APBA1: variants seen among roughly 807,000 people sequenced by gnomAD.
The protein encoded by APBA1 is amyloid beta precursor protein binding family A member 1.
In APBA1, 55 loss-of-function variants were observed where a neutral mutation model predicts 86.6. The ratio of observed to expected loss-of-function variants is 0.64; its 90% CI spans 0.51 to 0.80. The LOEUF (loss-of-function observed/expected upper bound fraction) is 0.80. APBA1 is among the 30% of genes least tolerant of loss of function. APBA1 has a pLI of 0.00. For synonymous variants in APBA1, 511 were observed against 493.9 expected (o/e 1.03, Z -0.46); for missense variants, 1,090 against 1,183.0 (o/e 0.92, Z 1.15).
At chr9:69,564,206 G>T (rs569530610) in intron 1 of APBA1, among the ~76,000 whole-genome samples, 159 of 152,330 alleles carry the variant, frequency 1.0e-3, no homozygotes, top group African/African-American at 3.7e-3. Flanking sequence ...AGCCCTGGAA[G>T]AGCAGGGGCA....
rs1411537676 is a variant in APBA1 at position 69,516,741 on chromosome 9, T to C, written c.470A>G (p.His157Arg). 1 of 1,612,118 alleles carries C rather than the reference T, an allele frequency of 6.2e-7. No individual in the cohort carries two copies. The highest frequency in any genetic ancestry group is 1.7e-5 in the Admixed American group (1 of 59,950). ...GTAGGCCGCATTCATGGCTTCCTCG[T>C]GCTCCAGCGAGTGGAAGTGCAGGTG... ...PNHLHFHSLE[H>R]EEAMNAAYSG... Residue 157 changes from histidine (H) to arginine (R), a missense_variant, in exon 2 of 13, where the codon CAC becomes CGC. Physicochemically the swap from His to Arg is conservative, Grantham distance 29. Around this residue, in one of 6 missense-constraint regions of APBA1, gnomAD observed 678 missense variants for 647.1 expected, o/e 1.05. Transcript: ENST00000265381. The surrounding 1 kb of genome is among the most constrained non-coding windows in gnomAD (Gnocchi z 7.3).
chr9:69,525,710 T>C (rs1175067903), intron 1 of APBA1, among the ~76,000 whole-genome samples: 1 of 152,106 alleles, frequency 6.6e-6, no homozygotes, highest in Non-Finnish European at 1.5e-5. Flanking sequence ...TTCACAGAAC[T>C]AGAGAAAACT....
chr9:69,515,690 T>TGGGGGGGGGGGGGGGGGGGGGGGG (rs60382603), intron 2 of APBA1, among the ~76,000 whole-genome samples: 1 of 110,754 alleles, frequency 9.0e-6, no homozygotes, highest in Admixed American at 9.0e-5. Context: ...AATCAGAAAC[T>TGGGGGGGGGGGGGGGGGGGGGGGG]GGGGGGGGGG....
intron 2 of APBA1, among the ~76,000 whole-genome samples, chr9:69,486,409 C>T (rs1835610836): frequency 6.6e-6 from 1 of 152,142 alleles, no homozygotes; most frequent in Non-Finnish European, 1.5e-5. Context: ...CTTCGACAGA[C>T]ATCTCAGTGC....
chr9:69,555,151 T>C (rs1303525819), intron 1 of APBA1, among the ~76,000 whole-genome samples: 1 of 152,228 alleles, frequency 6.6e-6, no homozygotes, highest in Non-Finnish European at 1.5e-5. Context: ...TAGTAGATTA[T>C]TTAACCACAG....
At chr9:69,449,108 G>C (rs1834959458) in intron 10 of APBA1, among the ~76,000 whole-genome samples, 1 of 152,174 alleles carries the variant, frequency 6.6e-6, no homozygotes, top group Admixed American at 6.5e-5. Context: ...GGGTCTGAGG[G>C]AGGACAAACT....
intron 1 of APBA1, among the ~76,000 whole-genome samples, chr9:69,641,098 A>G (rs1332864528): frequency 1.3e-5 from 2 of 152,200 alleles, no homozygotes; most frequent in African/African-American, 4.8e-5. Context: ...AAAACTAATA[A>G]CTGAGTTTAA....
chr9:69,671,540 T>C (rs1823948515), intron 1 of APBA1, among the ~76,000 whole-genome samples: 1 of 152,168 alleles, frequency 6.6e-6, no homozygotes, highest in South Asian at 2.1e-4. Flanking sequence ...CCCACAGTCT[T>C]AGCCGGTGAC....
chr9:69,475,963 G>T, intron 3 of APBA1, 85 bp downstream of exon 3: 1 of 1,093,732 alleles, frequency 9.1e-7, no homozygotes, highest in Non-Finnish European at 1.4e-6. Context: ...CAGGAGCGCT[G>T]TAGGATGCTG....
At chr9:69,652,154 C>T (rs150922164) in intron 1 of APBA1, among the ~76,000 whole-genome samples, 401 of 152,312 alleles carry the variant, frequency 2.6e-3, no homozygotes, top group African/African-American at 9.0e-3. Context: ...GGACTTCTAG[C>T]CACCAGAACT....
chr9:69,458,212 G>T (rs1055583245), intron 5 of APBA1, 24 bp from the exon 6 acceptor site: 1 of 1,601,426 alleles, frequency 6.2e-7, no homozygotes, highest in Non-Finnish European at 8.5e-7. Flanking sequence ...AACAAACAGA[G>T]ACAGGAGAAT....
chr9:69,486,193 C>G (rs1204225293), intron 2 of APBA1, among the ~76,000 whole-genome samples: 1 of 152,038 alleles, frequency 6.6e-6, no homozygotes, highest in East Asian at 1.9e-4. Flanking sequence ...CTCAAGTGAT[C>G]CGCCCGCCTT....
At chr9:69,523,497 G>GTA (rs869242999) in intron 1 of APBA1, among the ~76,000 whole-genome samples, 833 of 30,806 alleles carry the variant, frequency 0.027, 7 homozygotes, top group Non-Finnish European at 0.033. Flanking sequence ...ATATATATAT[G>GTA]TATATATATA....
At chr9:69,450,966 C>T (rs960390487) in intron 9 of APBA1, among the ~76,000 whole-genome samples, 10 of 152,202 alleles carry the variant, frequency 6.6e-5, no homozygotes, top group African/African-American at 2.4e-4. Context: ...GGAACCAATG[C>T]TAACAACACC....
At chr9:69,584,081 T>A (rs1821970792) in intron 1 of APBA1, among the ~76,000 whole-genome samples, 1 of 152,258 alleles carries the variant, frequency 6.6e-6, no homozygotes, top group African/African-American at 2.4e-5. Context: ...TCCCTTCTTG[T>A]GTGTTTCAAA....
chr9:69,612,120 A>G (rs1822603241), intron 1 of APBA1, among the ~76,000 whole-genome samples: 1 of 152,078 alleles, frequency 6.6e-6, no homozygotes, highest in Non-Finnish European at 1.5e-5. Flanking sequence ...TAAGACTAAT[A>G]TTGTTAGTTT....
chr9:69,446,659 C>T (rs1445975818), intron 10 of APBA1, among the ~76,000 whole-genome samples: 1 of 152,218 alleles, frequency 6.6e-6, no homozygotes, highest in African/African-American at 2.4e-5. Flanking sequence ...CCTCTGGTCC[C>T]CACGCAGATA....
At chr9:69,540,805 C>T (rs979375389) in intron 1 of APBA1, among the ~76,000 whole-genome samples, 1 of 152,070 alleles carries the variant, frequency 6.6e-6, no homozygotes, top group African/African-American at 2.4e-5. Context: ...CGCCACATTG[C>T]CCAGGTTGGT....
intron 10 of APBA1, among the ~76,000 whole-genome samples, chr9:69,447,583 G>A (rs1042187836): frequency 6.6e-6 from 1 of 152,116 alleles, no homozygotes; most frequent in African/African-American, 2.4e-5. Flanking sequence ...ATCACCCCTG[G>A]CTGAGAAGTA....
Sources: gnomAD v4.1 joint callset for allele counts (sites outside exome capture counted in the v4.1 genomes callset) on GRCh38, gnomAD v4.1.1 for gene constraint, gnomAD v4.1.1 regional missense constraint, Gnocchi (gnomAD v3.1) non-coding constraint, MANE v1.5 for transcripts, NCBI Gene and HGNC (gene_info 2026-07-23, HGNC 2026-07-21) for gene names.